RARB: variants seen among roughly 807,000 people sequenced by gnomAD.
RARB encodes the protein retinoic acid receptor beta.
In RARB, 17 loss-of-function variants were observed where a neutral mutation model predicts 51.9. That is an observed-to-expected ratio of 0.33 (90% CI 0.22 to 0.49). The LOEUF (loss-of-function observed/expected upper bound fraction) is 0.49. RARB is among the 20% of genes least tolerant of loss of function. The probability of loss-of-function intolerance (pLI) is 0.99; values close to 1 mark genes in which losing one functional copy is unlikely to be tolerated. For missense variants in RARB, 369 were observed against 550.8 expected, an observed-to-expected ratio of 0.67 and a Z score of 3.30; for synonymous variants, 215 against 195.4, an observed-to-expected ratio of 1.10 and a Z score of -0.84.
chr3:24,953,317 AG>A (rs1233000545), intron 2 of RARB, among the ~76,000 whole-genome samples: 2 of 152,216 alleles, frequency 1.3e-5, no homozygotes, highest in African/African-American at 4.8e-5. Flanking sequence ...CAGAAAAAAA[AG>A]AAATGAAAAT....
chr3:25,246,598 G>T (rs114520418), intron 5 of RARB, among the ~76,000 whole-genome samples: 2 of 152,110 alleles, frequency 1.3e-5, no homozygotes, highest in African/African-American at 4.8e-5. Context: ...GTCTGCTGGA[G>T]TTTGCTGGGG....
At chr3:25,572,569 G>C (rs1188094583) in intron 4 of RARB, among the ~76,000 whole-genome samples, 1 of 152,084 alleles carries the variant, frequency 6.6e-6, no homozygotes, top group Non-Finnish European at 1.5e-5. Flanking sequence ...ACTATACACA[G>C]AATCCCTTGA....
chr3:25,031,911 G>A (rs760311595), intron 2 of RARB, among the ~76,000 whole-genome samples: 10 of 152,034 alleles, frequency 6.6e-5, no homozygotes, highest in Non-Finnish European at 1.5e-4. Flanking sequence ...TCCACATCAG[G>A]AAAAATACAT....
At chr3:24,937,211 T>G (rs1695564387) in intron 2 of RARB, among the ~76,000 whole-genome samples, 1 of 152,206 alleles carries the variant, frequency 6.6e-6, no homozygotes, top group African/African-American at 2.4e-5. Context: ...TCTCTTTATT[T>G]TTGCTCTTTT....
At chr3:25,041,014 A>C (rs183587994) in intron 2 of RARB, among the ~76,000 whole-genome samples, 3 of 152,334 alleles carry the variant, frequency 2.0e-5, no homozygotes, top group African/African-American at 7.2e-5. Flanking sequence ...TCTGCCATAA[A>C]GAAGGTACTA....
intron 2 of RARB, among the ~76,000 whole-genome samples, chr3:25,006,299 A>G (rs1268357108): frequency 1.3e-5 from 2 of 152,130 alleles, no homozygotes; most frequent in Non-Finnish European, 2.9e-5. Flanking sequence ...TACTCTCTCA[A>G]TACTTGTTAG....
chr3:25,029,230 A>G (rs1408695542), intron 2 of RARB, among the ~76,000 whole-genome samples: 1 of 152,188 alleles, frequency 6.6e-6, no homozygotes, highest in Non-Finnish European at 1.5e-5. Context: ...TCACACTCAA[A>G]CTGAGACTAA....
chr3:25,516,631 C>CTTTTTTTTTTTTTTTTTT lies in RARB; in HGVS notation c.448+15321_448+15322insTTTTTTTTTTTTTTTTTT, dbSNP rs559135603. 2.5e-3 allele frequency among the ~76,000 whole-genome samples: 327 copies of CTTTTTTTTTTTTTTTTTT among 131,526 alleles called. 14 individuals are homozygous for CTTTTTTTTTTTTTTTTTT. Among genetic ancestry groups the CTTTTTTTTTTTTTTTTTT allele is most frequent in the African/African-American group, 8.2e-3 (249 of 30,364 alleles). 86.3% of individuals were successfully genotyped at this position (131,526 alleles called of 152,430 possible). A position where few individuals can be genotyped will look rare whatever the true frequency, so the allele number is the denominator to read the frequency against. ...CAAAGGTTCATCTTTATTTCCTTGT[C>CTTTTTTTTTTTTTTTTTT]TTTTTTTTTTTTTGAGACAGGGTCA... On this transcript the variant is annotated intron_variant, in intron 3 of 7. Transcript: ENST00000330688.
At chr3:24,960,877 T>G (rs752101518) in intron 2 of RARB, among the ~76,000 whole-genome samples, 1 of 152,090 alleles carries the variant, frequency 6.6e-6, no homozygotes, top group Non-Finnish European at 1.5e-5. Context: ...CACATAAAAA[T>G]GTTTGGTAGG....
At chr3:25,594,386 A>T in intron 6 of RARB, 134 bp from the exon 7 acceptor site, 1 of 991,930 alleles carries the variant, frequency 1.0e-6, no homozygotes, top group Non-Finnish European at 1.4e-6. Flanking sequence ...AAGCAACTGC[A>T]TAAGTCTGCA....
At chr3:24,961,386 G>T (rs1696135622) in intron 2 of RARB, among the ~76,000 whole-genome samples, 1 of 152,174 alleles carries the variant, frequency 6.6e-6, no homozygotes, top group Admixed American at 6.5e-5. Flanking sequence ...CTCCCTAACA[G>T]ACTAACGGCT....
At chr3:24,893,713 T>TG (rs1462955391) in intron 2 of RARB, among the ~76,000 whole-genome samples, 1 of 151,774 alleles carries the variant, frequency 6.6e-6, no homozygotes, top group African/African-American at 2.4e-5. Context: ...TTTGTAGAGA[T>TG]GGGGTCTCAC....
rs181642202 is a variant in RARB, at chr3:25,089,913, G to A, written c.-328+29737G>A. Among the ~76,000 whole-genome samples, 318 of 152,230 alleles carry A rather than the reference G, an allele frequency of 2.1e-3. 3 individuals carry two copies. The highest frequency in any genetic ancestry group is 3.1e-3 in the Non-Finnish European group (213 of 67,992). ...AGATGTTAGTATATTAGCCGTCAAA[G>A]TCCCCACTGAATGGCACAAAAATCA... On this transcript the variant is annotated intron_variant, in intron 3 of 11. Transcript: ENST00000383772.
At chr3:25,072,833 C>T (rs531004326) in intron 3 of RARB, among the ~76,000 whole-genome samples, 26 of 152,010 alleles carry the variant, frequency 1.7e-4, no homozygotes, top group South Asian at 4.2e-4. Flanking sequence ...CTCAGCCTGC[C>T]GAGTAGCTGG....
At chr3:25,454,625 A>G (rs1422595151) in intron 1 of RARB, among the ~76,000 whole-genome samples, 2 of 152,150 alleles carry the variant, frequency 1.3e-5, no homozygotes, top group African/African-American at 2.4e-5. Context: ...ATCAGGCCCA[A>G]CCTAAAATCC....
rs141373958 is a variant in RARB, at chr3:24,838,432, C to G, written c.-459+9029C>G. On this transcript the variant is annotated intron_variant, in intron 1 of 11. Coordinates refer to the RARB transcript ENST00000383772. ...TGGCCAGAATTTTGCTTACCAGGGC[C>G]CATGAAGTCTACCTCTGATGATATG... Among the ~76,000 whole-genome samples, 138 of 152,236 alleles carry G rather than the reference C, an allele frequency of 9.1e-4. 1 individual carries two copies. In the Middle Eastern group the frequency reaches 0.02, roughly 23 times the overall value.
intron 5 of RARB, among the ~76,000 whole-genome samples, chr3:25,279,579 TAA>T (rs112935948): frequency 7.0e-6 from 1 of 142,954 alleles, no homozygotes; most frequent in East Asian, 2.0e-4. Context: ...ACTGATCTAT[TAA>T]AAAAAAAAAA....
At chr3:25,227,200 A>T (rs191586398) in intron 5 of RARB, among the ~76,000 whole-genome samples, 48 of 152,390 alleles carry the variant, frequency 3.1e-4, no homozygotes, top group African/African-American at 1.2e-3. Flanking sequence ...TTGAAAAATG[A>T]AAAGCTTCAA....
rs534204295 is a variant in RARB at position 25,416,580 on chromosome 3, A to G, written c.179-44613A>G. Among the ~76,000 whole-genome samples the G allele has an allele frequency of 2.6e-5, 4 of 152,362 alleles. No individual in the cohort carries two copies. The East Asian group carries it at 7.7e-4, about 29-fold the overall frequency. On this transcript the variant is annotated intron_variant, in intron 5 of 11. Transcript: ENST00000383772. ...TTTTCTCTAAAGGTACAGATTGTAAATATTTTCAGCTTTGTGGGCCATACA... is the reference window on the plus strand; with the variant it reads ...TTTTCTCTAAAGGTACAGATTGTAAGTATTTTCAGCTTTGTGGGCCATACA...
Sources: allele counts gnomAD v4.1 joint callset (sites outside exome capture counted in the v4.1 genomes callset), GRCh38; gene constraint gnomAD v4.1.1; transcripts MANE v1.5; gene names NCBI Gene and HGNC (gene_info 2026-07-23, HGNC 2026-07-21).